Variants in CCDC180 observed in about 807,000 individuals in gnomAD.
The protein encoded by CCDC180 is coiled-coil domain containing 180, also known as coiled-coil domain-containing protein 180.
Under a neutral mutation model 209.2 loss-of-function variants are expected in CCDC180, and 154 were observed. The ratio of observed to expected loss-of-function variants is 0.74; its 90% CI spans 0.65 to 0.84. The LOEUF (loss-of-function observed/expected upper bound fraction) is 0.84. Ranked by LOEUF, CCDC180 falls within the 40% of genes least tolerant of loss-of-function variation. The pLI, the probability that CCDC180 is intolerant of heterozygous loss-of-function variation, is 0.00. For synonymous variants in CCDC180, 778 were observed against 749.1 expected (o/e 1.04, Z -0.63); for missense variants, 1,874 against 1,997.3 (o/e 0.94, Z 1.18).
intron 19 of CCDC180, chr9:97,345,939 T>C (rs1826252484): frequency 6.5e-6 from 1 of 152,766 alleles, no homozygotes; most frequent in African/African-American, 2.4e-5. Flanking sequence ...ACTTTGTGCC[T>C]TACCCCCAAG....
At chr9:97,344,295 C>G (rs1051392063) in intron 19 of CCDC180, among the ~76,000 whole-genome samples, 1 of 152,174 alleles carries the variant, frequency 6.6e-6, no homozygotes, top group Non-Finnish European at 1.5e-5. Context: ...CTGTATGTAA[C>G]ATGGGCAGGA....
chr9:97,307,496 G>C, upstream of CCDC180: 1 of 601,748 alleles, frequency 1.7e-6, no homozygotes, highest in Non-Finnish European at 3.0e-6. Context: ...GATGGCAGAG[G>C]CTGGTTGGGT....
chr9:97,311,161 A>C (rs1219552080), intron 3 of CCDC180, among the ~76,000 whole-genome samples: 1 of 152,176 alleles, frequency 6.6e-6, no homozygotes, highest in Non-Finnish European at 1.5e-5. Flanking sequence ...GCCAGGGGGT[A>C]AATCACCACT....
At chr9:97,317,025 A>ACCCTGCCCTGTCTAGAG in intron 8 of CCDC180, 40 bp from the exon 9 acceptor site, 1 of 1,563,092 alleles carries the variant, frequency 6.4e-7, no homozygotes. Context: ...CCCGAGAGAG[A>ACCCTGCCCTGTCTAGAG]CCCTGCCCTG....
chr9:97,339,933 C>T (rs1253626854), intron 18 of CCDC180, among the ~76,000 whole-genome samples: 2 of 152,294 alleles, frequency 1.3e-5, no homozygotes, highest in African/African-American at 4.8e-5. Flanking sequence ...GATACCCTTT[C>T]TTCCACTTGA....
chr9:97,360,548 G>A (rs1164085481), intron 26 of CCDC180, among the ~76,000 whole-genome samples: 1 of 152,080 alleles, frequency 6.6e-6, no homozygotes, highest in Non-Finnish European at 1.5e-5. Flanking sequence ...CCCGAACATG[G>A]CCAGAAGAGG....
Position 97,375,609 on chromosome 9 carries a change from G to T in CCDC180, c.4842+20G>T. The T allele has an allele frequency of 1.5e-5, 25 of 1,614,050 alleles. No individual in the cohort carries two copies. Among genetic ancestry groups the T allele is most frequent in the Non-Finnish European group, 1.9e-5 (23 of 1,180,024 alleles). ...TACCTGGTGAGACAGGGTGGAGTGG[G>T]CGTGTCCCAGGGAGCACAGCTCAGG... is the stretch of plus-strand genomic sequence containing the variant. On this transcript the variant is annotated intron_variant, in intron 36 of 36. Coordinates refer to ENST00000529487, the MANE Select transcript of CCDC180 (RefSeq NM_020893.6).
chr9:97,336,390 G>C (rs1825905037), intron 18 of CCDC180, among the ~76,000 whole-genome samples: 1 of 152,218 alleles, frequency 6.6e-6, no homozygotes, highest in Non-Finnish European at 1.5e-5. Context: ...TGGCTAGCCA[G>C]TTTTCCCAGC....
intron 18 of CCDC180, 59 bp from the exon 19 acceptor site, chr9:97,343,281 T>G: frequency 5.2e-6 from 6 of 1,148,306 alleles, no homozygotes; most frequent in Non-Finnish European, 7.7e-6. Context: ...AACCTGTGGT[T>G]GGCATTCCCA....
rs761885248 is a variant in CCDC180 at position 97,362,488 on chromosome 9, C to T, written c.3902+47C>T. 1.6e-5 allele frequency: 26 copies of T among 1,589,448 alleles called. 1 individual carries two copies. Among genetic ancestry groups the T allele is most frequent in the South Asian group, 1.6e-4 (14 of 86,022 alleles). Reference sequence around the variant, plus strand: ...ATCGCCCCTTCCCAGTCCATCCCCCCACACAAAGGCAGGAGATGACCTATG... The same window carrying T: ...ATCGCCCCTTCCCAGTCCATCCCCCTACACAAAGGCAGGAGATGACCTATG... On this transcript the variant is annotated intron_variant, in intron 28 of 36. Coordinates refer to ENST00000529487, the MANE Select transcript of CCDC180 (RefSeq NM_020893.6).
intron 11 of CCDC180, among the ~76,000 whole-genome samples, chr9:97,321,330 A>T (rs916544302): frequency 3.3e-5 from 5 of 152,216 alleles, no homozygotes; most frequent in Admixed American, 3.3e-4. Context: ...GCTCTAGAAG[A>T]TATGTAAAAA....
chr9:97,364,221 A>C, intron 29 of CCDC180, 93 bp downstream of exon 29: 1 of 1,223,028 alleles, frequency 8.2e-7, no homozygotes, highest in Non-Finnish European at 1.2e-6. Context: ...AAAATCAGAA[A>C]GGGGAAAGGC....
intron 22 of CCDC180, among the ~76,000 whole-genome samples, chr9:97,352,684 C>A (rs1489214658): frequency 1.3e-5 from 2 of 152,028 alleles, no homozygotes; most frequent in Non-Finnish European, 1.5e-5. Flanking sequence ...TAAGATTTTT[C>A]TGATTATAAA....
chr9:97,366,724 ACG>A lies in CCDC180; in HGVS notation c.4189+25_4189+26del. On this transcript the variant is annotated intron_variant, in intron 31 of 36. Coordinates refer to ENST00000529487, the MANE Select transcript of CCDC180 (RefSeq NM_020893.6). The surrounding 1 kb of genome is among the most constrained non-coding windows in gnomAD (Gnocchi z 4.3). ...AGGTGAGTATAGGCAGCAGGAAGGC[ACG>A]GGGAACAGGGCGGGGCGCGAAGCCA... 2 of 1,612,952 alleles carry A rather than the reference ACG, an allele frequency of 1.2e-6. No homozygotes were observed. The highest frequency in any genetic ancestry group is 1.7e-6 in the Non-Finnish European group (2 of 1,179,404).
rs939243031 is a variant in CCDC180 at position 97,366,844 on chromosome 9, A to G, written c.4189+144A>G. ...TGTGAAAAGCTGACCTCTTAAAATTAGGTAAAAACAATAATCAGATTTTAC... is the reference window on the plus strand; with the variant it reads ...TGTGAAAAGCTGACCTCTTAAAATTGGGTAAAAACAATAATCAGATTTTAC... On this transcript the variant is annotated intron_variant, in intron 31 of 36. Transcript: ENST00000529487. This position sits in a 1 kb window ranked among gnomAD's most constrained non-coding sequence, Gnocchi z 4.3. The G allele has an allele frequency of 1.2e-6, 1 of 829,438 alleles. No individual in the cohort carries two copies. Among genetic ancestry groups the G allele is most frequent in the African/African-American group, 1.7e-5 (1 of 57,826 alleles). The allele number at this position is 829,438 out of a possible 1,614,324, so 51.4% of individuals were successfully genotyped here.
rs746910302 is a variant in CCDC180, at chr9:97,323,770, A to T, written c.1249-11A>T. ...CCTAAGCCAGGCTCTGCCTTGTCCC[A>T]CACACTCCAGAAGCAGCTGCTGGAC... On this transcript the variant is annotated splice_polypyrimidine_tract_variant and intron_variant, in intron 12 of 36. Coordinates refer to ENST00000529487, the MANE Select transcript of CCDC180 (RefSeq NM_020893.6). The T allele has an allele frequency of 2.6e-6, 4 of 1,556,440 alleles. No individual in the cohort carries two copies. In the African/African-American group the frequency reaches 5.4e-5, roughly 21 times the overall value.
chr9:97,362,047 C>G, intron 27 of CCDC180, 149 bp downstream of exon 27: 1 of 1,370,224 alleles, frequency 7.3e-7, no homozygotes, highest in Non-Finnish European at 9.9e-7. Flanking sequence ...GCTTCCCCAC[C>G]CAGAGCCCCA....
Position 97,361,770 on chromosome 9 carries a change from A to G in CCDC180, c.3528A>G (p.Thr1176=). The G allele has an allele frequency of 6.2e-7, 1 of 1,614,154 alleles. No individual in the cohort carries two copies. Residue 1176 remains threonine, a synonymous_variant, in exon 27 of 37, where the codon ACA becomes ACG. Transcript: ENST00000529487. ...AGGAGGAAGACAGTGACATCCTGAC[A>G]TCTTCAGAAGCCCTTGAAGAGGAGG... The part of the protein sequence containing the change: ...KDQEEDSDIL[T]SSEALEEEAK...
At chr9:97,333,527 TTTG>T (rs1457254618) in intron 18 of CCDC180, among the ~76,000 whole-genome samples, 1 of 150,092 alleles carries the variant, frequency 6.7e-6, no homozygotes, top group Non-Finnish European at 1.5e-5. Context: ...TTTTTTTTTT[TTTG>T]GTTTGTAGGC....
Sources: allele counts gnomAD v4.1 joint callset (sites outside exome capture counted in the v4.1 genomes callset), GRCh38; gene constraint gnomAD v4.1.1; non-coding constraint Gnocchi (gnomAD v3.1); transcripts MANE v1.5; gene names NCBI Gene and HGNC (gene_info 2026-07-23, HGNC 2026-07-21).